The following RDH8 variants were observed in gnomAD, a reference collection of about 807,000 sequenced individuals.
RDH8 encodes the protein retinol dehydrogenase 8.
RDH8 carries 14 observed loss-of-function variants against 22.3 expected under a neutral mutation model. That is an observed-to-expected ratio of 0.63 (90% CI 0.42 to 0.98). RDH8 has a LOEUF of 0.98. RDH8 is among the 50% of genes least tolerant of loss of function. The pLI is 0.00. For missense variants in RDH8, 389 were observed against 409.8 expected (o/e 0.95, Z 0.44); for synonymous variants, 175 against 171.7 (o/e 1.02, Z -0.15).
In RDH8 at chr19:10,018,929, A is replaced by G; in HGVS notation, c.442+19A>G. On this transcript the variant is annotated intron_variant, in intron 3 of 5. Transcript: ENST00000591589. Reference sequence around the variant, plus strand: ...CTGCAGGGTGAGCTGTGGGGACCCAACCCTGGAAATCCCACCAGTGTCTGA... The same window carrying G: ...CTGCAGGGTGAGCTGTGGGGACCCAGCCCTGGAAATCCCACCAGTGTCTGA... 1 of 1,578,334 alleles carries G rather than the reference A, an allele frequency of 6.3e-7. No individual in the cohort carries two copies.
chr19:10,021,262 C>A lies in RDH8; in HGVS notation c.544C>A (p.Leu182Met). The A allele has an allele frequency of 5.0e-6, 8 of 1,614,102 alleles. No homozygotes were observed. The highest frequency in any genetic ancestry group is 6.8e-6 in the Non-Finnish European group (8 of 1,180,002). ...CCCATGCCTGGTCGCCAGCATCTCC[C>A]TGGTGGAGCCAGGCCCCGTGGTCAC... Reference protein sequence around the residue: ...QLLQFNIFISLVEPGPVVTEF... With the variant: ...QLLQFNIFISMVEPGPVVTEF... Residue 182 changes from leucine to methionine, a missense_variant, in exon 5 of 6, where the codon CTG becomes ATG. Leu to Met is a conservative substitution (Grantham distance 15). Coordinates refer to ENST00000591589, the MANE Select transcript of RDH8 (RefSeq NM_015725.4).
At chr19:10,020,369 G>A (rs1644732) in intron 3 of RDH8, among the ~76,000 whole-genome samples, 56,028 of 137,574 alleles carry the variant, frequency 0.41, 12,522 homozygotes, top group African/African-American at 0.56. Flanking sequence ...AGGAAGGAAG[G>A]AAGGGAGGGA....
At chr19:10,021,233 A>G in intron 4 of RDH8, 22 bp from the exon 5 acceptor site, 1 of 1,612,240 alleles carries the variant, frequency 6.2e-7, no homozygotes. Context: ...TCAGACTTAC[A>G]CTACCCATGC....
At chr19:10,021,175 T>TAAAA in intron 4 of RDH8, 80 bp from the exon 5 acceptor site, 1 of 1,135,800 alleles carries the variant, frequency 8.8e-7, no homozygotes, top group Non-Finnish European at 1.2e-6. Flanking sequence ...CCCTGTATCT[T>TAAAA]AAAAAAAAAA....
rs77833898 is a variant in RDH8 at position 10,021,324 on chromosome 19, G to C, written c.606G>C (p.Met202Ile). 1 of 1,613,894 alleles carries C rather than the reference G, an allele frequency of 6.2e-7. No individual in the cohort carries two copies. Among genetic ancestry groups the C allele is most frequent in the South Asian group, 1.1e-5 (1 of 91,082 alleles). Reference protein sequence around the residue: ...FEGKLLAQVSMAEFPGTDPET... With the variant: ...FEGKLLAQVSIAEFPGTDPET... ...GGAAGCTTCTGGCGCAGGTTTCTAT[G>C]GCTGAGTTCCCAGGCACTGACCCTG... The change falls in exon 5 of 6, where the codon ATG (methionine) becomes ATC (isoleucine). Residue 202 changes from methionine (M) to isoleucine (I), a missense_variant. Coordinates refer to ENST00000591589, the MANE Select transcript of RDH8 (RefSeq NM_015725.4).
At position 10,022,117 on chromosome 19, in the gene RDH8, C is replaced by T. The variant is rs1673136; in HGVS notation, c.*368C>T. ...GACTTCATGATCCTGGGCCTGAGAA[C>T]ACAGGAATGATTCATAGCCCACCCC... On this transcript the variant is annotated 3_prime_UTR_variant, in exon 6 of 6. Transcript: ENST00000591589. 0.5 allele frequency: 126,072 copies of T among 250,012 alleles called. 33,219 individuals carry two copies. Among genetic ancestry groups the T allele is most frequent in the South Asian group, 0.65 (10,799 of 16,728 alleles). The allele number at this position is 250,012 out of a possible 1,614,324, so 15.5% of individuals were successfully genotyped here. A position where few individuals can be genotyped will look rare whatever the true frequency, so the allele number is the denominator to read the frequency against.
intron 1 of RDH8, among the ~76,000 whole-genome samples, 165 bp from the exon 2 acceptor site, chr19:10,016,892 C>A (rs79966075): frequency 1.3e-5 from 2 of 152,154 alleles, no homozygotes; most frequent in Non-Finnish European, 2.9e-5. Flanking sequence ...CGTGGAGATG[C>A]GTGTACACAA....
chr19:10,016,167 T>A (rs1314465712), intron 1 of RDH8, among the ~76,000 whole-genome samples: 1 of 137,256 alleles, frequency 7.3e-6, no homozygotes, highest in East Asian at 2.4e-4. Context: ...TTATTTATTT[T>A]GAGACAGTCT....
rs772884104 is a variant in RDH8, at chr19:10,021,371, A to G, written c.653A>G (p.Asp218Gly). 6.2e-7 allele frequency: 1 copy of G among 1,613,710 alleles called. No homozygotes were observed. Among genetic ancestry groups the G allele is most frequent in the African/African-American group, 1.3e-5 (1 of 74,840 alleles). The part of the protein sequence containing the change: ...TDPETLHYFR[D>G]LYLPASRKLF... Reference sequence around the variant, plus strand: ...CCTGAGACCCTGCACTACTTCCGGGACCTCTATCTCCCAGCCTCCAGGAAG... The same window carrying G: ...CCTGAGACCCTGCACTACTTCCGGGGCCTCTATCTCCCAGCCTCCAGGAAG... The change falls in exon 5 of 6, where the codon GAC (aspartate) becomes GGC (glycine). Residue 218 changes from aspartate (D) to glycine (G), a missense_variant. Asp to Gly is a moderately conservative substitution (Grantham distance 94). Coordinates refer to ENST00000591589, the MANE Select transcript of RDH8 (RefSeq NM_015725.4).
Position 10,013,484 on chromosome 19 carries a change from G to C in RDH8, c.-14G>C, listed in dbSNP as rs1185118986. Reference sequence around the variant, plus strand: ...CTGCCCGGCGGAGGTCACGAGTCCAGGGAGGGGATCAACATGGCCGCTGCA... The same window carrying C: ...CTGCCCGGCGGAGGTCACGAGTCCACGGAGGGGATCAACATGGCCGCTGCA... On this transcript the variant is annotated 5_prime_UTR_variant, in exon 1 of 6. Coordinates refer to ENST00000591589, the MANE Select transcript of RDH8 (RefSeq NM_015725.4). 2 of 1,611,560 alleles carry C rather than the reference G, an allele frequency of 1.2e-6. No homozygotes were observed. The highest frequency in any genetic ancestry group is 4.5e-5 in the East Asian group (2 of 44,884).
Position 10,017,124 on chromosome 19 carries a change from G to A in RDH8, c.171G>A (p.Gly57=). ...AGGCAGCTGCTGGGGAGGCTCTGGG[G>A]CAGACCCTCACCGTGGCCCAGCTGG... ...TLEAAAGEAL[G]QTLTVAQLDV... The change falls in exon 2 of 6, where the codon GGG becomes GGA. Residue 57 remains glycine (G), a synonymous_variant. Coordinates refer to ENST00000591589, the MANE Select transcript of RDH8 (RefSeq NM_015725.4). 2 of 1,611,128 alleles carry A rather than the reference G, an allele frequency of 1.2e-6. No homozygotes were observed. The highest frequency in any genetic ancestry group is 1.7e-6 in the Non-Finnish European group (2 of 1,178,190).
rs1258213581 is a variant in RDH8 at position 10,017,463 on chromosome 19, A to G, written c.262+248A>G. Among the ~76,000 whole-genome samples, 5 of 152,076 alleles carry G rather than the reference A, an allele frequency of 3.3e-5. No homozygotes were observed. In the East Asian group the frequency reaches 7.7e-4, roughly 23 times the overall value. Reference sequence around the variant, plus strand: ...GGAGGCCGAGACAGGAGGATTGACCAGCCTCAGCAAAATAGTGAGACTCTG... The same window carrying G: ...GGAGGCCGAGACAGGAGGATTGACCGGCCTCAGCAAAATAGTGAGACTCTG... On this transcript the variant is annotated intron_variant, in intron 2 of 5. Transcript: ENST00000591589.
At position 10,021,258 on chromosome 19, in the gene RDH8, C is replaced by G; in HGVS notation, c.540C>G (p.Ile180Met). ...ACTACCCATGCCTGGTCGCCAGCATCTCCCTGGTGGAGCCAGGCCCCGTGG... is the reference window on the plus strand; with the variant it reads ...ACTACCCATGCCTGGTCGCCAGCATGTCCCTGGTGGAGCCAGGCCCCGTGG... Reference protein sequence around the residue: ...AIQLLQFNIFISLVEPGPVVT... With the variant: ...AIQLLQFNIFMSLVEPGPVVT... Residue 180 changes from isoleucine (I) to methionine (M), a missense_variant, in exon 5 of 6, where the codon ATC becomes ATG. Transcript: ENST00000591589. 6.2e-7 allele frequency: 1 copy of G among 1,614,024 alleles called. No individual in the cohort carries two copies. The highest frequency in any genetic ancestry group is 8.5e-7 in the Non-Finnish European group (1 of 1,180,000).
At chr19:10,015,937 C>T (rs1316883111) in intron 1 of RDH8, among the ~76,000 whole-genome samples, 1 of 150,202 alleles carries the variant, frequency 6.7e-6, no homozygotes, top group Non-Finnish European at 1.5e-5. Flanking sequence ...GGGCAACAAA[C>T]AAGAGTGAAA....
At position 10,021,272 on chromosome 19, in the gene RDH8, C is replaced by A. The variant is rs761489040; in HGVS notation, c.554C>A (p.Pro185Gln). 1.9e-5 allele frequency: 31 copies of A among 1,614,126 alleles called. No individual in the cohort carries two copies. The highest frequency in any genetic ancestry group is 2.5e-5 in the Non-Finnish European group (30 of 1,180,016). Residue 185 changes from proline to glutamine, a missense_variant, in exon 5 of 6, where the codon CCA becomes CAA. By Grantham distance (76) the Pro-to-Gln change is moderately conservative (BLOSUM62 -1). Coordinates refer to ENST00000591589, the MANE Select transcript of RDH8 (RefSeq NM_015725.4). ...QFNIFISLVE[P>Q]GPVVTEFEGK... ...GTCGCCAGCATCTCCCTGGTGGAGC[C>A]AGGCCCCGTGGTCACCGAGTTTGAG...
chr19:10,015,628 C>CAA (rs576203480), intron 1 of RDH8, among the ~76,000 whole-genome samples: 24 of 120,490 alleles, frequency 2.0e-4, no homozygotes, highest in East Asian at 1.9e-3. Flanking sequence ...GACTCCGTCT[C>CAA]AAAAAAAAAA....
intron 1 of RDH8, 141 bp from the exon 2 acceptor site, chr19:10,016,916 G>A: frequency 1.2e-6 from 1 of 858,264 alleles, no homozygotes; most frequent in African/African-American, 1.7e-5. Flanking sequence ...TGCACTTGTT[G>A]GCTGAGTGAT....
chr19:10,020,010 G>A (rs2087645666), intron 3 of RDH8, among the ~76,000 whole-genome samples: 1 of 150,538 alleles, frequency 6.6e-6, no homozygotes, highest in Non-Finnish European at 1.5e-5. Flanking sequence ...GTGTGGTGGT[G>A]TGCACCTGTA....
Position 10,020,690 on chromosome 19 carries a change from C to T in RDH8, c.443-19C>T, listed in dbSNP as rs776910614. ...CCTCCCAGACCCTCAAAGAGCTCTCCTCCCTCTGACCCTCACAGGTGTCAT... is the reference window on the plus strand; with the variant it reads ...CCTCCCAGACCCTCAAAGAGCTCTCTTCCCTCTGACCCTCACAGGTGTCAT... On this transcript the variant is annotated intron_variant, in intron 3 of 5. Transcript: ENST00000591589. 1 of 1,574,916 alleles carries T rather than the reference C, an allele frequency of 6.3e-7. No individual in the cohort carries two copies. Among genetic ancestry groups the T allele is most frequent in the African/African-American group, 1.3e-5 (1 of 74,354 alleles).
Sources: allele counts gnomAD v4.1 joint callset (sites outside exome capture counted in the v4.1 genomes callset), GRCh38; gene constraint gnomAD v4.1.1; transcripts MANE v1.5; gene names NCBI Gene and HGNC (gene_info 2026-07-23, HGNC 2026-07-21).